The following AR variants were observed in gnomAD, a reference collection of about 807,000 sequenced individuals.
The protein encoded by AR is androgen receptor, also known as dihydrotestosterone receptor.
Under a neutral mutation model 53.9 loss-of-function variants are expected in AR, and 8 were observed. The ratio of observed to expected loss-of-function variants is 0.15; its 90% CI spans 0.09 to 0.27. The LOEUF (loss-of-function observed/expected upper bound fraction) is 0.27. Among genes scored for constraint, AR ranks in the 10% least tolerant of loss-of-function variants. The pLI is 1.00. For missense variants in AR, 639 were observed against 742.5 expected, an observed-to-expected ratio of 0.86 and a Z score of 1.62; for synonymous variants, 359 against 316.4, an observed-to-expected ratio of 1.13 and a Z score of -1.43.
At chrX:67,681,767 A>G (rs1433084446) in intron 2 of AR, among the ~76,000 whole-genome samples, 2 of 112,319 alleles carry the variant, frequency 1.8e-5, no homozygotes, top group African/African-American at 6.5e-5. Context: ...GATGCTGCAG[A>G]GAGGATTCAA....
intron 1 of AR, among the ~76,000 whole-genome samples, chrX:67,609,536 G>T (rs1452761965): frequency 9.1e-6 from 1 of 110,427 alleles, no homozygotes. Flanking sequence ...TTTATTTAAG[G>T]CATCCTTTGA....
intron 1 of AR, among the ~76,000 whole-genome samples, chrX:67,564,962 G>A (rs867949694): frequency 9.0e-6 from 1 of 111,113 alleles, no homozygotes; most frequent in Non-Finnish European, 1.9e-5. Flanking sequence ...TTTGGTCCTG[G>A]CCTGTTTGAA....
intron 1 of AR, among the ~76,000 whole-genome samples, chrX:67,628,311 C>A (rs760319320): frequency 8.2e-5 from 8 of 97,506 alleles, no homozygotes; most frequent in East Asian, 3.5e-4. Context: ...CTTTTATTTC[C>A]TTGAGCAGTG....
chrX:67,657,031 C>A (rs1926624528), intron 2 of AR, among the ~76,000 whole-genome samples: 1 of 109,870 alleles, frequency 9.1e-6, no homozygotes, highest in African/African-American at 3.3e-5. Flanking sequence ...AATCAAAGCC[C>A]CCAAAAAAAT....
At chrX:67,694,566 T>C in intron 3 of AR, 1 of 1,017,580 alleles carries the variant, frequency 9.8e-7, no homozygotes, top group African/African-American at 1.9e-5. Context: ...CTTTACATGC[T>C]GCTTCCTATG....
intron 1 of AR, among the ~76,000 whole-genome samples, chrX:67,641,263 G>T (rs955292117): frequency 3.6e-5 from 4 of 111,748 alleles, no homozygotes; most frequent in Non-Finnish European, 7.5e-5. Context: ...GCAATATAGG[G>T]ATGATACACA....
chrX:67,706,737 G>A (rs1223256677), intron 3 of AR, among the ~76,000 whole-genome samples: 2 of 111,665 alleles, frequency 1.8e-5, no homozygotes, highest in Non-Finnish European at 3.8e-5. Context: ...TAATTGTGAT[G>A]TTAGGGTGTC....
chrX:67,704,905 C>A (rs978997764), intron 3 of AR, among the ~76,000 whole-genome samples: 1 of 111,630 alleles, frequency 9.0e-6, no homozygotes, highest in Non-Finnish European at 1.9e-5. Flanking sequence ...AATAGGGAAT[C>A]TTTTCCCAAT....
chrX:67,578,224 T>G (rs767761933), intron 1 of AR, among the ~76,000 whole-genome samples: 1 of 111,798 alleles, frequency 8.9e-6, no homozygotes, highest in East Asian at 2.8e-4. Context: ...GAAAGGGATA[T>G]GAACCTGGTA....
At chrX:67,629,073 A>C (rs1031807039) in intron 1 of AR, among the ~76,000 whole-genome samples, 1 of 111,652 alleles carries the variant, frequency 9.0e-6, no homozygotes, top group Non-Finnish European at 1.9e-5. Flanking sequence ...ATCAATGTTC[A>C]TCAAGCATAT....
At chrX:67,696,725 C>G (rs1283275052) in intron 3 of AR, among the ~76,000 whole-genome samples, 1 of 111,170 alleles carries the variant, frequency 9.0e-6, no homozygotes, top group Non-Finnish European at 1.9e-5. Context: ...CCCTACTAAT[C>G]CCTCACTCCA....
At chrX:67,650,710 G>A (rs192274716) in intron 2 of AR, among the ~76,000 whole-genome samples, 24 of 112,247 alleles carry the variant, frequency 2.1e-4, no homozygotes, top group Admixed American at 1.8e-3. Flanking sequence ...ATGCTAGTGA[G>A]CTTTCTACCT....
intron 1 of AR, among the ~76,000 whole-genome samples, chrX:67,614,742 G>A (rs1282690376): frequency 9.0e-6 from 1 of 110,847 alleles, no homozygotes; most frequent in Non-Finnish European, 1.9e-5. Context: ...CTATCCATGA[G>A]GAAACAAAGA....
At chrX:67,681,746 T>A (rs896394987) in intron 2 of AR, among the ~76,000 whole-genome samples, 16 of 112,176 alleles carry the variant, frequency 1.4e-4, no homozygotes, top group African/African-American at 4.9e-4. Context: ...GATAGGACAA[T>A]ACTTTGCAGG....
At position 67,727,842 on chromosome X, in the gene AR, G is replaced by A. The variant is rs1459818329; in HGVS notation, c.*4001G>A. ...GTTTGACCCACTACAAGGGGTCATG[G>A]GAATCAGGAATGCCAAAGCACCAGA... On this transcript the variant is annotated 3_prime_UTR_variant, in exon 8 of 8. Coordinates refer to ENST00000374690, the MANE Select transcript of AR (RefSeq NM_000044.6). The A allele has an allele frequency of 1.2e-5, 2 of 173,045 alleles. No individual in the cohort carries two copies. The highest frequency in any genetic ancestry group is 2.2e-5 in the Non-Finnish European group (2 of 90,714). 14.3% of individuals were successfully genotyped at this position (173,045 alleles called of 1,213,427 possible). A position where few individuals can be genotyped will look rare whatever the true frequency, so the allele number is the denominator to read the frequency against.
chrX:67,596,589 AG>A (rs1212068248), intron 1 of AR, among the ~76,000 whole-genome samples: 2 of 111,955 alleles, frequency 1.8e-5, no homozygotes, highest in African/African-American at 6.5e-5. Flanking sequence ...TGCCTTCCTC[AG>A]TGTGTTCAGT....
At position 67,644,150 on chromosome X, in the gene AR, G is replaced by A. The variant is rs151126747; in HGVS notation, c.1768+743G>A. Among the ~76,000 whole-genome samples the A allele has an allele frequency of 3.4e-4, 38 of 112,059 alleles. No homozygotes were observed. In the East Asian group the frequency reaches 0.01, roughly 31 times the overall value. On this transcript the variant is annotated intron_variant, in intron 2 of 7. Transcript: ENST00000374690. ...TCTGCTCAACCTCTAGAGGCGCTCA[G>A]CCCACATTCTGCAGTAGAAACTCCC...
chrX:67,620,408 G>A (rs1005785681), intron 1 of AR, among the ~76,000 whole-genome samples: 3 of 109,319 alleles, frequency 2.7e-5, no homozygotes, highest in Admixed American at 9.9e-5. Context: ...TGCTTTACCC[G>A]CCTAGACTCT....
Position 67,686,121 on chromosome X carries a change from T to G in AR, c.1880T>G (p.Leu627Arg). 1 of 1,207,700 alleles carries G rather than the reference T, an allele frequency of 8.3e-7. No individual in the cohort carries two copies. Among genetic ancestry groups the G allele is most frequent in the Non-Finnish European group, 1.1e-6 (1 of 892,163 alleles). The change falls in exon 3 of 8, where the codon CTG becomes CGG. Residue 627 changes from leucine (L) to arginine (R), a missense_variant. By Grantham distance (102) the Leu-to-Arg change is moderately radical. This residue lies in a region of AR where 47 missense variants were observed against 35.9 expected (regional missense o/e 1.31). Coordinates refer to ENST00000374690, the MANE Select transcript of AR (RefSeq NM_000044.6). ...LRKCYEAGMT[L>R]GARKLKKLGN... ...AAATGTTATGAAGCAGGGATGACTC[T>G]GGGAGGTAAGATACTTTTCTTTCTC...
Sources: gnomAD v4.1 joint callset for allele counts (sites outside exome capture counted in the v4.1 genomes callset) on GRCh38, gnomAD v4.1.1 for gene constraint, gnomAD v4.1.1 regional missense constraint, MANE v1.5 for transcripts, NCBI Gene and HGNC (gene_info 2026-07-23, HGNC 2026-07-21) for gene names.